The following URI1 variants were observed in gnomAD, a reference collection of about 807,000 sequenced individuals.
URI1 encodes unconventional prefoldin RPB5 interactor 1.
Under a neutral mutation model 60.2 loss-of-function variants are expected in URI1, and 39 were observed. That is an observed-to-expected ratio of 0.65 (90% CI 0.50 to 0.85). The LOEUF is 0.85. URI1 is among the 40% of genes least tolerant of loss of function. The pLI, the probability that URI1 is intolerant of heterozygous loss-of-function variation, is 0.00. For synonymous variants in URI1, 251 were observed against 236.8 expected, an observed-to-expected ratio of 1.06 and a Z score of -0.55; for missense variants, 691 against 665.9, an observed-to-expected ratio of 1.04 and a Z score of -0.42.
intron 4 of URI1, 119 bp downstream of exon 4, chr19:29,986,536 T>G (rs1202323285): frequency 7.9e-7 from 1 of 1,273,044 alleles, no homozygotes; most frequent in East Asian, 2.7e-5. Context: ...CCAGGCTGTT[T>G]GTGATTCTGT....
At position 30,005,459 on chromosome 19, in the gene URI1, A is replaced by T. The variant is rs748117683; in HGVS notation, c.459+7A>T. 2 of 1,585,166 alleles carry T rather than the reference A, an allele frequency of 1.3e-6. No individual in the cohort carries two copies. The highest frequency in any genetic ancestry group is 1.7e-6 in the Non-Finnish European group (2 of 1,168,698). ...TTTGCAGAAAATGAGCGATGTGAGT[A>T]TTTGTTTTTAGTCTTCTATATTTTT... On this transcript the variant is annotated splice_region_variant and intron_variant, in intron 5 of 10. Coordinates refer to ENST00000392271, the MANE Select transcript of URI1 (RefSeq NM_003796.3).
chr19:29,992,262 G>A (rs912942151), intron 4 of URI1, among the ~76,000 whole-genome samples: 1 of 152,134 alleles, frequency 6.6e-6, no homozygotes. Flanking sequence ...TAGAGATGGG[G>A]TTTCACCATG....
Position 29,966,691 on chromosome 19 carries a change from T to C in URI1, c.118-4502T>C, listed in dbSNP as rs2055395372. ...TTTTAAGTAACTGTCACATAACATG[T>C]ATGTCCAGTATCCATTGGCTTCAGC... is the stretch of plus-strand genomic sequence containing the variant. On this transcript the variant is annotated intron_variant, in intron 1 of 10. Coordinates refer to ENST00000392271, the MANE Select transcript of URI1 (RefSeq NM_003796.3). Among the ~76,000 whole-genome samples, 5 of 152,342 alleles carry C rather than the reference T, an allele frequency of 3.3e-5. No homozygotes were observed. In the South Asian group the frequency reaches 1.0e-3, roughly 32 times the overall value.
chr19:29,951,844 G>A (rs1368075862), intron 1 of URI1, among the ~76,000 whole-genome samples: 1 of 152,170 alleles, frequency 6.6e-6, no homozygotes, highest in Non-Finnish European at 1.5e-5. Context: ...CACCGTGCCT[G>A]GCTTGTGCAT....
chr19:29,930,909 T>C (rs999018551), intron 1 of URI1, among the ~76,000 whole-genome samples: 3 of 151,096 alleles, frequency 2.0e-5, no homozygotes, highest in Non-Finnish European at 2.9e-5. Context: ...GGTTTCACCA[T>C]GTTGGCCAGG....
Position 30,008,860 on chromosome 19 carries a change from T to C in URI1, c.687-145T>C, listed in dbSNP as rs1053603539. ...TTTTTTGTTAATTTATTTCAAAACA[T>C]TTTTTTGTTTTTGAACTTAGAATTC... On this transcript the variant is annotated intron_variant, in intron 7 of 10. Coordinates refer to ENST00000392271, the MANE Select transcript of URI1 (RefSeq NM_003796.3). 3.2e-5 allele frequency: 21 copies of C among 662,798 alleles called. No homozygotes were observed. In the Admixed American group the frequency reaches 5.7e-4, roughly 18 times the overall value. The allele number at this position is 662,798 out of a possible 1,614,324, so 41.1% of individuals were successfully genotyped here. A position where few individuals can be genotyped will look rare whatever the true frequency, so the allele number is the denominator to read the frequency against.
At chr19:29,984,071 A>G (rs1296972523) in intron 2 of URI1, among the ~76,000 whole-genome samples, 6 of 152,156 alleles carry the variant, frequency 3.9e-5, no homozygotes, top group Non-Finnish European at 8.8e-5. Context: ...CATCTGATCA[A>G]ATTTCATGTT....
intron 2 of URI1, among the ~76,000 whole-genome samples, chr19:29,974,235 G>T (rs1257689599): frequency 6.6e-6 from 1 of 151,852 alleles, no homozygotes; most frequent in Non-Finnish European, 1.5e-5. Flanking sequence ...AGAACACCCT[G>T]CCCGGCACTC....
intron 1 of URI1, among the ~76,000 whole-genome samples, chr19:29,932,715 G>A (rs1393024509): frequency 2.7e-5 from 4 of 148,066 alleles, no homozygotes; most frequent in East Asian, 2.0e-4. Context: ...GCAGTGGCAC[G>A]ATCTTGGTTC....
At chr19:29,928,438 C>G (rs1395149316) in intron 1 of URI1, among the ~76,000 whole-genome samples, 1 of 152,124 alleles carries the variant, frequency 6.6e-6, no homozygotes, top group Non-Finnish European at 1.5e-5. Context: ...ACGAAACGCC[C>G]CTTTCCTTTC....
chr19:29,974,247 A>G (rs924627311), intron 2 of URI1, among the ~76,000 whole-genome samples: 4 of 152,132 alleles, frequency 2.6e-5, no homozygotes, highest in African/African-American at 7.2e-5. Context: ...CCGGCACTCA[A>G]TAAGTATTAA....
intron 1 of URI1, among the ~76,000 whole-genome samples, chr19:29,924,769 C>T (rs1380138055): frequency 6.6e-6 from 1 of 152,232 alleles, no homozygotes; most frequent in African/African-American, 2.4e-5. Context: ...CTCCCTAGGG[C>T]TCCCAGGAGC....
At position 29,942,339 on chromosome 19, in the gene URI1, G is replaced by A; in HGVS notation, c.-209G>A. The A allele has an allele frequency of 1.0e-6, 1 of 984,680 alleles. No individual in the cohort carries two copies. Among genetic ancestry groups the A allele is most frequent in the Non-Finnish European group, 1.2e-6 (1 of 829,484 alleles). The allele number at this position is 984,680 out of a possible 1,614,324, so 61.0% of individuals were successfully genotyped here. A position where few individuals can be genotyped will look rare whatever the true frequency, so the allele number is the denominator to read the frequency against. On this transcript the variant is annotated 5_prime_UTR_variant, in exon 1 of 11. Transcript: ENST00000392271. ...GCCTGCTACTCGGAGCCCGCTGCGG[G>A]GCGGCGGCGGCGGGGACATGCACGT...
chr19:30,007,398 C>A, intron 6 of URI1, 72 bp from the exon 7 acceptor site: 1 of 1,507,968 alleles, frequency 6.6e-7, no homozygotes, highest in Non-Finnish European at 9.0e-7. Context: ...AAAAGAAAGT[C>A]TCATTAAGTC....
intron 1 of URI1, 77 bp downstream of exon 1, chr19:29,942,741 G>A: frequency 3.9e-6 from 5 of 1,288,996 alleles, no homozygotes; most frequent in Non-Finnish European, 4.9e-6. Context: ...GCCGCCCCGC[G>A]TGGCCTAGGC....
intron 2 of URI1, among the ~76,000 whole-genome samples, chr19:29,980,879 G>A (rs1473440364): frequency 2.2e-5 from 3 of 136,718 alleles, no homozygotes; most frequent in African/African-American, 8.3e-5. Flanking sequence ...CCGAGATCAC[G>A]CCACGGCACT....
intron 1 of URI1, among the ~76,000 whole-genome samples, chr19:29,964,290 G>T (rs969707894): frequency 6.6e-6 from 1 of 152,024 alleles, no homozygotes. Flanking sequence ...TTATCTGTCT[G>T]TCTCTTCTAC....
At chr19:29,932,654 C>CT (rs34146888) in intron 1 of URI1, among the ~76,000 whole-genome samples, 114,773 of 131,518 alleles carry the variant, frequency 0.87, 50,154 homozygotes, top group East Asian at 0.99. Context: ...CCCTTCATTC[C>CT]TTTTTTTTTT....
chr19:29,943,791 C>CT (rs2055062847), intron 1 of URI1, among the ~76,000 whole-genome samples: 1 of 151,916 alleles, frequency 6.6e-6, no homozygotes, highest in Admixed American at 6.6e-5. Flanking sequence ...CCATTTTTCT[C>CT]TAATAACGCA....
Sources: gnomAD v4.1 joint callset for allele counts (sites outside exome capture counted in the v4.1 genomes callset) on GRCh38, gnomAD v4.1.1 for gene constraint, MANE v1.5 for transcripts, NCBI Gene and HGNC (gene_info 2026-07-23, HGNC 2026-07-21) for gene names.